ECM2: variants seen among roughly 807,000 people sequenced by gnomAD.
The protein encoded by ECM2 is extracellular matrix protein 2, also known as extracellular matrix protein 2, female organ and adipocyte specific.
In ECM2, 57 loss-of-function variants were observed where a neutral mutation model predicts 67.5. The observed-to-expected ratio is 0.84, with a 90% CI of 0.68 to 1.05. ECM2 has a LOEUF of 1.05. Ranked by LOEUF, ECM2 falls within the 50% of genes least tolerant of loss-of-function variation. ECM2 has a pLI of 0.00. For synonymous variants in ECM2, 258 were observed against 294.5 expected, an observed-to-expected ratio of 0.88 and a Z score of 1.27; for missense variants, 741 against 822.8, an observed-to-expected ratio of 0.90 and a Z score of 1.22.
chr9:92,533,328 A>AAAAAAAATATAT (rs1554683138), intron 1 of ECM2, among the ~76,000 whole-genome samples: 1 of 38,336 alleles, frequency 2.6e-5, no homozygotes, highest in Non-Finnish European at 4.3e-5. Flanking sequence ...AAAAAAAAAA[A>AAAAAAAATATAT]ATATATATAT....
chr9:92,523,133 T>G (rs1014642619), intron 1 of ECM2, among the ~76,000 whole-genome samples: 6 of 151,780 alleles, frequency 4.0e-5, no homozygotes, highest in African/African-American at 1.5e-4. Flanking sequence ...CAGGCTGGAG[T>G]GCAGTGGTTC....
the ECM2 span, among the ~76,000 whole-genome samples, chr9:92,546,496 A>G: frequency 3.9e-5 from 6 of 152,184 alleles, no homozygotes; most frequent in African/African-American, 1.2e-4. Context: ...ACTGGGAGAA[A>G]AGAACAACTC....
chr9:92,499,367 T>A (rs1193956542), intron 9 of ECM2, among the ~76,000 whole-genome samples: 3 of 152,100 alleles, frequency 2.0e-5, no homozygotes, highest in African/African-American at 4.8e-5. Flanking sequence ...GAGCAAAAAA[T>A]TTTTTACAGA....
the ECM2 span, among the ~76,000 whole-genome samples, chr9:92,552,963 T>C: frequency 6.6e-6 from 1 of 152,010 alleles, no homozygotes; most frequent in Non-Finnish European, 1.5e-5. Context: ...TTTCTTTTTC[T>C]TTTTATTATT....
chr9:92,543,577 A>C, the ECM2 span, among the ~76,000 whole-genome samples: 1 of 151,850 alleles, frequency 6.6e-6, no homozygotes, highest in Non-Finnish European at 1.5e-5. Context: ...GTTAAGAATG[A>C]CATTGAAAAA....
intron 3 of ECM2, 122 bp downstream of exon 3, chr9:92,517,565 A>G (rs1465001621): frequency 7.4e-7 from 1 of 1,345,200 alleles, no homozygotes; most frequent in Admixed American, 2.0e-5. Flanking sequence ...GCATTTTGCC[A>G]ATATTTTAAG....
chr9:92,496,608 T>G (rs1238760163), intron 9 of ECM2, 125 bp from the exon 10 acceptor site: 1 of 1,196,488 alleles, frequency 8.4e-7, no homozygotes, highest in Non-Finnish European at 1.1e-6. Context: ...TAGACCAGAA[T>G]AAATTCCAAC....
intron 2 of ECM2, among the ~76,000 whole-genome samples, chr9:92,520,765 AT>A (rs1449634969): frequency 6.6e-6 from 1 of 152,250 alleles, no homozygotes; most frequent in African/African-American, 2.4e-5. Context: ...ATACAATGGA[AT>A]ATTATTCAGC....
the ECM2 span, among the ~76,000 whole-genome samples, chr9:92,553,959 G>C: frequency 6.6e-6 from 1 of 152,152 alleles, no homozygotes; most frequent in South Asian, 2.1e-4. Flanking sequence ...TTGAAGAGGA[G>C]TAGTGAGAGT....
At chr9:92,542,374 G>A in the ECM2 span, among the ~76,000 whole-genome samples, 1 of 152,070 alleles carries the variant, frequency 6.6e-6, no homozygotes, top group Admixed American at 6.5e-5. Context: ...CGTTTACTGT[G>A]TAGATATTTC....
the ECM2 span, among the ~76,000 whole-genome samples, chr9:92,544,116 C>A: frequency 6.6e-6 from 1 of 152,186 alleles, no homozygotes; most frequent in South Asian, 2.1e-4. Context: ...TATTCCTGAT[C>A]TTAGAAGAAA....
At chr9:92,505,712 G>A in intron 6 of ECM2, 22 bp from the exon 7 acceptor site, 2 of 1,523,626 alleles carry the variant, frequency 1.3e-6, no homozygotes, top group Non-Finnish European at 8.8e-7. Flanking sequence ...AAAAGTATTA[G>A]AATATTAGGA....
the ECM2 span, among the ~76,000 whole-genome samples, chr9:92,555,214 AT>A: frequency 0.01 from 646 of 63,402 alleles, 6 homozygotes; most frequent in East Asian, 0.044. Flanking sequence ...TTTTTTGGAA[AT>A]TTTTTTTTTT....
At chr9:92,547,011 T>C in the ECM2 span, among the ~76,000 whole-genome samples, 1 of 152,146 alleles carries the variant, frequency 6.6e-6, no homozygotes, top group Non-Finnish European at 1.5e-5. Flanking sequence ...GTCTCACTAA[T>C]GAACATAGAT....
At chr9:92,514,554 CGTGA>C in intron 4 of ECM2, 73 bp downstream of exon 4, 2 of 1,506,544 alleles carry the variant, frequency 1.3e-6, no homozygotes, top group Non-Finnish European at 1.8e-6. Flanking sequence ...AGATTATAGG[CGTGA>C]GCCACCGTGC....
chr9:92,514,209 ACCTCAGCCT>A (rs1385522471), intron 4 of ECM2, among the ~76,000 whole-genome samples: 3 of 143,104 alleles, frequency 2.1e-5, no homozygotes, highest in Non-Finnish European at 1.5e-5. Flanking sequence ...CCATTCCCCC[ACCTCAGCCT>A]CCTGAGTAGC....
chr9:92,502,777 TCA>T, intron 7 of ECM2, 125 bp from the exon 8 acceptor site: 1 of 800,990 alleles, frequency 1.2e-6, no homozygotes, highest in Non-Finnish European at 1.8e-6. Flanking sequence ...TACTGCTCTT[TCA>T]AGTAAGCTCA....
At position 92,506,081 on chromosome 9, in the gene ECM2, A is replaced by G. The variant is rs1231384692; in HGVS notation, c.1307-391T>C. Among the ~76,000 whole-genome samples, 5 of 152,220 alleles carry G rather than the reference A, an allele frequency of 3.3e-5. No individual in the cohort carries two copies. The East Asian group carries it at 7.7e-4, about 23-fold the overall frequency. On this transcript the variant is annotated intron_variant, in intron 6 of 9. Transcript: ENST00000344604. ...GTAGGAAAGGAATAGAAAGTTGTGGACAGTCATTGGAAACATTGCAAAGAC... is the reference window on the plus strand; with the variant it reads ...GTAGGAAAGGAATAGAAAGTTGTGGGCAGTCATTGGAAACATTGCAAAGAC...
At chr9:92,543,212 C>T in the ECM2 span, among the ~76,000 whole-genome samples, 1 of 152,130 alleles carries the variant, frequency 6.6e-6, no homozygotes, top group Non-Finnish European at 1.5e-5. Flanking sequence ...TGGCTCACAC[C>T]TGTAATCCAA....
Sources: gnomAD v4.1 joint callset for allele counts (sites outside exome capture counted in the v4.1 genomes callset) on GRCh38, gnomAD v4.1.1 for gene constraint, MANE v1.5 for transcripts, NCBI Gene and HGNC (gene_info 2026-07-23, HGNC 2026-07-21) for gene names.